MS4A14: variants seen among roughly 807,000 people sequenced by gnomAD.
MS4A14 encodes membrane-spanning 4-domains subfamily A member 14.
Under a neutral mutation model 16.7 loss-of-function variants are expected in MS4A14, and 18 were observed. The observed-to-expected ratio is 1.08, with a 90% CI of 0.75 to 1.60. MS4A14 has a LOEUF of 1.60. Among genes scored for constraint, MS4A14 ranks in the 40% most tolerant of loss-of-function variants. The pLI is 0.00. For synonymous variants in MS4A14, 305 were observed against 289.4 expected (o/e 1.05, Z -0.55); for missense variants, 812 against 775.3 (o/e 1.05, Z -0.56).
intron 3 of MS4A14, among the ~76,000 whole-genome samples, chr11:60,401,931 C>T (rs572692469): frequency 6.6e-6 from 1 of 152,182 alleles, no homozygotes; most frequent in Admixed American, 6.5e-5. Context: ...AGGTTTGCCA[C>T]ACCAAGCCAC....
chr11:60,398,345 A>G (rs571068433), intron 2 of MS4A14, among the ~76,000 whole-genome samples: 2 of 152,350 alleles, frequency 1.3e-5, no homozygotes, highest in South Asian at 2.1e-4. Flanking sequence ...CACTCATGGA[A>G]TCACAGACTC....
chr11:60,401,040 T>C (rs2085706130), intron 3 of MS4A14, among the ~76,000 whole-genome samples: 1 of 152,178 alleles, frequency 6.6e-6, no homozygotes, highest in African/African-American at 2.4e-5. Flanking sequence ...AAGAAAGAGT[T>C]TGGGCATCAA....
intron 1 of MS4A14, 65 bp downstream of exon 1, chr11:60,396,781 G>C: frequency 6.7e-7 from 1 of 1,502,408 alleles, no homozygotes; most frequent in Non-Finnish European, 9.1e-7. Flanking sequence ...ATTCATGTAT[G>C]TCTGCAGAGA....
chr11:60,397,736 G>A, intron 1 of MS4A14, 116 bp from the exon 2 acceptor site: 2 of 900,564 alleles, frequency 2.2e-6, no homozygotes, highest in Non-Finnish European at 3.4e-6. Context: ...AAATGAGAGA[G>A]GAAGGCATTT....
intron 4 of MS4A14, among the ~76,000 whole-genome samples, chr11:60,404,041 C>A (rs1317214537): frequency 2.6e-5 from 4 of 152,176 alleles, no homozygotes; most frequent in African/African-American, 7.2e-5. Context: ...AGCGATAAAA[C>A]CCTGTCCTAA....
At chr11:60,409,219 A>G (rs962289662) in intron 4 of MS4A14, among the ~76,000 whole-genome samples, 16 of 152,160 alleles carry the variant, frequency 1.1e-4, no homozygotes, top group Non-Finnish European at 2.4e-4. Flanking sequence ...TAGTCATGCT[A>G]CTAAGTATAG....
chr11:60,414,970 T>A (rs1024960627), intron 4 of MS4A14, among the ~76,000 whole-genome samples: 7 of 152,152 alleles, frequency 4.6e-5, no homozygotes, highest in African/African-American at 1.7e-4. Flanking sequence ...CCTATTTATG[T>A]AATTGCATTT....
chr11:60,397,779 C>T lies in MS4A14; in HGVS notation c.139-73C>T. 10 of 1,518,862 alleles carry T rather than the reference C, an allele frequency of 6.6e-6. No homozygotes were observed. The South Asian group carries it at 1.2e-4, about 19-fold the overall frequency. 94.1% of individuals were successfully genotyped at this position (1,518,862 alleles called of 1,614,324 possible). A position where few individuals can be genotyped will look rare whatever the true frequency, so the allele number is the denominator to read the frequency against. On this transcript the variant is annotated intron_variant, in intron 1 of 4. Transcript: ENST00000300187. ...GGGAAAGGTGTGCCATGGAGGCACA[C>T]CCTGAGGGACGTGGGGTAGCCCACA...
chr11:60,397,516 T>G lies in MS4A14; in HGVS notation c.139-336T>G, dbSNP rs146267089. Among the ~76,000 whole-genome samples the G allele has an allele frequency of 9.4e-3, 1,430 of 152,210 alleles. 14 individuals carry two copies. The highest frequency in any genetic ancestry group is 0.025 in the South Asian group (122 of 4,810). On this transcript the variant is annotated intron_variant, in intron 1 of 4. Coordinates refer to ENST00000300187, the MANE Select transcript of MS4A14 (RefSeq NM_032597.5). The stretch of plus-strand genomic sequence containing the variant: ...AAAAAACAAATGTAAAGGTGAATAG[T>G]TTATAGTCCCTGTGCTCAAGAAGCT...
At chr11:60,409,827 T>G (rs537750146) in intron 4 of MS4A14, among the ~76,000 whole-genome samples, 1 of 149,110 alleles carries the variant, frequency 6.7e-6, no homozygotes, top group East Asian at 2.0e-4. Flanking sequence ...TCTTTTTCTT[T>G]CTTTCTTTAA....
intron 3 of MS4A14, among the ~76,000 whole-genome samples, chr11:60,402,132 C>T (rs2085722496): frequency 2.0e-5 from 3 of 152,060 alleles, no homozygotes; most frequent in Non-Finnish European, 4.4e-5. Flanking sequence ...GACCCCCTTC[C>T]TGTAAAGGAA....
chr11:60,404,725 T>A, intron 4 of MS4A14: 1 of 401,228 alleles, frequency 2.5e-6, no homozygotes, highest in Non-Finnish European at 5.0e-6. Context: ...ACCACTTCTT[T>A]AAGGAAGTTC....
rs183280567 is a variant in MS4A14, at chr11:60,405,545, C to A, written c.468+2484C>A. Reference sequence around the variant, plus strand: ...GCCTGTATATATGTTCTATCTGGCTCTTTAGGGAAAAACAAACAAAATAGG... The same window carrying A: ...GCCTGTATATATGTTCTATCTGGCTATTTAGGGAAAAACAAACAAAATAGG... On this transcript the variant is annotated intron_variant, in intron 4 of 4. Coordinates refer to ENST00000300187, the MANE Select transcript of MS4A14 (RefSeq NM_032597.5). 4.6e-5 allele frequency among the ~76,000 whole-genome samples: 7 copies of A among 152,290 alleles called. No homozygotes were observed. In the East Asian group the frequency reaches 1.4e-3, roughly 29 times the overall value.
intron 1 of MS4A14, 26 bp from the exon 2 acceptor site, chr11:60,397,826 T>C: frequency 1.2e-6 from 2 of 1,609,372 alleles, no homozygotes; most frequent in Non-Finnish European, 1.7e-6. Flanking sequence ...ACTTGTAACC[T>C]CATGTACCCA....
intron 2 of MS4A14, chr11:60,398,210 T>C: frequency 2.7e-6 from 1 of 369,520 alleles, no homozygotes; most frequent in Non-Finnish European, 5.0e-6. Context: ...GTGTGTATAG[T>C]AAGACATTTG....
intron 4 of MS4A14, among the ~76,000 whole-genome samples, chr11:60,412,642 G>A (rs949569772): frequency 2.0e-5 from 3 of 151,838 alleles, no homozygotes; most frequent in South Asian, 4.1e-4. Context: ...TATAGGTAAA[G>A]GTTTATCAAT....
chr11:60,414,210 T>C (rs1463324369), intron 4 of MS4A14, among the ~76,000 whole-genome samples: 2 of 152,102 alleles, frequency 1.3e-5, no homozygotes. Context: ...GAAGAATAAA[T>C]TAAAATTCAC....
rs149780690 is a variant in MS4A14 at position 60,405,420 on chromosome 11, G to C, written c.468+2359G>C. On this transcript the variant is annotated intron_variant, in intron 4 of 4. Transcript: ENST00000300187. Reference sequence around the variant, plus strand: ...TAACTCAGGTCTTTCTGTCTTCATAGTTTAAACTTTTGAGACACCATAAGG... The same window carrying C: ...TAACTCAGGTCTTTCTGTCTTCATACTTTAAACTTTTGAGACACCATAAGG... Among the ~76,000 whole-genome samples the C allele has an allele frequency of 7.9e-4, 121 of 152,272 alleles. 1 individual carries two copies. Among genetic ancestry groups the C allele is most frequent in the African/African-American group, 2.8e-3 (115 of 41,556 alleles).
At chr11:60,400,505 C>A in intron 3 of MS4A14, 51 bp downstream of exon 3, 4 of 1,305,102 alleles carry the variant, frequency 3.1e-6, no homozygotes, top group South Asian at 2.6e-5. Context: ...TGTTTTATAT[C>A]ATCTTTATGT....
Sources: gnomAD v4.1 joint callset for allele counts (sites outside exome capture counted in the v4.1 genomes callset) on GRCh38, gnomAD v4.1.1 for gene constraint, MANE v1.5 for transcripts, NCBI Gene and HGNC (gene_info 2026-07-23, HGNC 2026-07-21) for gene names.